The following GPRC5B variants were observed in gnomAD, a reference collection of about 807,000 sequenced individuals.
GPRC5B encodes the protein G protein-coupled receptor class C group 5 member B, also known as G protein-coupled receptor family C group 5 member B.
In GPRC5B, 16 loss-of-function variants were observed where a neutral mutation model predicts 30.1. The ratio of observed to expected loss-of-function variants is 0.53; its 90% CI spans 0.36 to 0.81. The LOEUF is 0.81. Among genes scored for constraint, GPRC5B ranks in the 30% least tolerant of loss-of-function variants. The pLI is 0.01. For missense variants in GPRC5B, 428 were observed against 544.7 expected, an observed-to-expected ratio of 0.79 and a Z score of 2.13; for synonymous variants, 241 against 239.5, an observed-to-expected ratio of 1.01 and a Z score of -0.06.
At chr16:19,870,753 G>C (rs933054364) in intron 2 of GPRC5B, among the ~76,000 whole-genome samples, 1 of 152,196 alleles carries the variant, frequency 6.6e-6, no homozygotes, top group African/African-American at 2.4e-5. Flanking sequence ...GTGCAATAGA[G>C]AGCGGTAGAG....
intron 2 of GPRC5B, among the ~76,000 whole-genome samples, chr16:19,863,491 CTTTTTTTTTTTT>C: frequency 1.2e-5 from 1 of 82,276 alleles, no homozygotes; most frequent in African/African-American, 5.0e-5. Context: ...AATCTGTGTT[CTTTTTTTTTTTT>C]TTTTTTTTTT....
At position 19,858,340 on chromosome 16, in the gene GPRC5B, A is replaced by G. The variant is rs1280787180; in HGVS notation, c.*2160T>C. The G allele has an allele frequency of 2.2e-6, 1 of 450,460 alleles. No homozygotes were observed. Among genetic ancestry groups the G allele is most frequent in the African/African-American group, 2.0e-5 (1 of 49,750 alleles). The allele number at this position is 450,460 out of a possible 1,614,324, so 27.9% of individuals were successfully genotyped here. ...ATTTAAAAGGGGGGAAAAAGGTCTC[A>G]TTAAATGAGGCTTCCCATGGCTCAA... On this transcript the variant is annotated 3_prime_UTR_variant, in exon 4 of 4. Transcript: ENST00000300571.
At chr16:19,870,423 ACT>A (rs1298005767) in intron 2 of GPRC5B, among the ~76,000 whole-genome samples, 1 of 152,236 alleles carries the variant, frequency 6.6e-6, no homozygotes, top group Non-Finnish European at 1.5e-5. Context: ...CTTTGTACTC[ACT>A]GTGTTCCTTC....
chr16:19,861,721 C>T (rs1463453538), intron 3 of GPRC5B, 116 bp downstream of exon 3: 8 of 784,150 alleles, frequency 1.0e-5, no homozygotes, highest in African/African-American at 3.5e-5. Context: ...TGAGCTGTGG[C>T]GGTCCTTGCA....
At position 19,872,771 on chromosome 16, in the gene GPRC5B, C is replaced by T. The variant is rs780792806; in HGVS notation, c.75G>A (p.Ser25=). 29 of 1,613,474 alleles carry T rather than the reference C, an allele frequency of 1.8e-5. No homozygotes were observed. Among genetic ancestry groups the T allele is most frequent in the Middle Eastern group, 3.3e-4 (2 of 6,084 alleles). ...LTFLLLFVIT[S]VASENASTSR... is the part of the protein sequence containing the mutation. ...ATGTGCTGGCGTTTTCAGAGGCCACCGAGGTGATCACGAAGAGCAGGAGGA... is the reference window on the plus strand; with the variant it reads ...ATGTGCTGGCGTTTTCAGAGGCCACTGAGGTGATCACGAAGAGCAGGAGGA... The change falls in exon 2 of 4, where the codon TCG becomes TCA. Residue 25 remains serine, a synonymous_variant. Coordinates refer to ENST00000300571, the MANE Select transcript of GPRC5B (RefSeq NM_016235.3). This position sits in a 1 kb window ranked among gnomAD's most constrained non-coding sequence, Gnocchi z 5.0.
intron 1 of GPRC5B, among the ~76,000 whole-genome samples, chr16:19,879,213 G>C (rs368640331): frequency 6.6e-6 from 1 of 151,962 alleles, no homozygotes; most frequent in Non-Finnish European, 1.5e-5. Flanking sequence ...AGTCAGCCTC[G>C]AGGCAGGATT....
chr16:19,885,243 C>T (rs866960103), upstream of GPRC5B: 61 of 1,288,514 alleles, frequency 4.7e-5, no homozygotes, highest in African/African-American at 8.5e-4. The surrounding 1 kb of genome is among the most constrained non-coding windows in gnomAD (Gnocchi z 5.3). Flanking sequence ...GCGCGGAAGC[C>T]TTCCTGCCCC....
intron 1 of GPRC5B, among the ~76,000 whole-genome samples, 170 bp downstream of exon 1, chr16:19,884,557 C>G (rs2056836163): frequency 6.9e-6 from 1 of 144,508 alleles, no homozygotes; most frequent in Admixed American, 6.9e-5. Flanking sequence ...ACCGTGGTTC[C>G]CCTCGCCCAG....
chr16:19,885,588 C>T, upstream of GPRC5B: 1 of 1,057,224 alleles, frequency 9.5e-7, no homozygotes, highest in African/African-American at 1.7e-5. The surrounding 1 kb of genome is among the most constrained non-coding windows in gnomAD (Gnocchi z 5.3). Context: ...ACCCCTACCG[C>T]ACACATCACC....
intron 2 of GPRC5B, among the ~76,000 whole-genome samples, chr16:19,867,569 C>T (rs781337570): frequency 2.6e-5 from 4 of 152,212 alleles, no homozygotes; most frequent in Admixed American, 6.5e-5. Context: ...TGTTCAACAA[C>T]ACACTGGTTC....
chr16:19,885,213 A>T (rs1218765407), upstream of GPRC5B: 1 of 1,288,744 alleles, frequency 7.8e-7, no homozygotes, highest in Non-Finnish European at 1.0e-6. The surrounding 1 kb of genome is among the most constrained non-coding windows in gnomAD (Gnocchi z 5.3). Context: ...CGAGGGAGGT[A>T]TCGCGACCCA....
rs189105303 is a variant in GPRC5B at position 19,870,459 on chromosome 16, G to A, written c.1030+1357C>T. Among the ~76,000 whole-genome samples, 202 of 152,330 alleles carry A rather than the reference G, an allele frequency of 1.3e-3. 2 individuals carry two copies. In the Middle Eastern group the frequency reaches 0.014, roughly 10 times the overall value. On this transcript the variant is annotated intron_variant, in intron 2 of 3. Transcript: ENST00000300571. ...TCTCCTAACAGCTCTATGAGGTACA[G>A]TCTCTTACTATTTCTAGTTCACAGA...
chr16:19,864,987 C>T (rs1384115392), intron 2 of GPRC5B, among the ~76,000 whole-genome samples: 1 of 150,584 alleles, frequency 6.6e-6, no homozygotes, highest in Non-Finnish European at 1.5e-5. Flanking sequence ...TCATTGCAGC[C>T]TCGACCTCCG....
upstream of GPRC5B, chr16:19,885,139 C>G (rs2056840895): frequency 2.6e-6 from 3 of 1,146,142 alleles, no homozygotes; most frequent in Admixed American, 2.3e-5. The surrounding 1 kb of genome is among the most constrained non-coding windows in gnomAD (Gnocchi z 5.3). Flanking sequence ...GCAGTCCAGA[C>G]GAGCCGGGCA....
intron 2 of GPRC5B, among the ~76,000 whole-genome samples, chr16:19,870,331 C>T (rs1196711590): frequency 6.6e-6 from 1 of 152,224 alleles, no homozygotes; most frequent in Non-Finnish European, 1.5e-5. Context: ...AAACCACCTG[C>T]ACTGGAGCCC....
chr16:19,858,592 C>T lies in GPRC5B; in HGVS notation c.*1908G>A. 3 of 610,256 alleles carry T rather than the reference C, an allele frequency of 4.9e-6. No homozygotes were observed. The highest frequency in any genetic ancestry group is 8.9e-6 in the Non-Finnish European group (3 of 336,806). The allele number at this position is 610,256 out of a possible 1,614,324, so 37.8% of individuals were successfully genotyped here. Reference sequence around the variant, plus strand: ...CTGTCGTTTTTTCACCGGACAGGACCGAGGTGTTTGAAGATTTCTTTCTTT... The same window carrying T: ...CTGTCGTTTTTTCACCGGACAGGACTGAGGTGTTTGAAGATTTCTTTCTTT... On this transcript the variant is annotated 3_prime_UTR_variant, in exon 4 of 4. Transcript: ENST00000300571.
In GPRC5B at chr16:19,860,178, G is replaced by A. The variant is rs2056609681; in HGVS notation, c.*322C>T. The A allele has an allele frequency of 3.6e-6, 1 of 278,034 alleles. No homozygotes were observed. Among genetic ancestry groups the A allele is most frequent in the Non-Finnish European group, 6.9e-6 (1 of 145,826 alleles). The allele number at this position is 278,034 out of a possible 1,614,324, so 17.2% of individuals were successfully genotyped here. On this transcript the variant is annotated 3_prime_UTR_variant, in exon 4 of 4. Transcript: ENST00000300571. ...TGAATTTGGTTCTGTTCTACCCCCA[G>A]AGGATGAAACAGTCTTCCCAGCCAC... is the stretch of plus-strand genomic sequence containing the variant.
At chr16:19,868,813 G>A (rs966047161) in intron 2 of GPRC5B, among the ~76,000 whole-genome samples, 1 of 152,214 alleles carries the variant, frequency 6.6e-6, no homozygotes, top group East Asian at 1.9e-4. Context: ...GCGGGACAGA[G>A]GGATGTGGAT....
At chr16:19,885,230 C>A (rs904267666), upstream of GPRC5B, 1 of 1,288,476 alleles carries the variant, frequency 7.8e-7, no homozygotes, top group African/African-American at 1.5e-5. This position sits in a 1 kb window ranked among gnomAD's most constrained non-coding sequence, Gnocchi z 5.3. Context: ...CCCAGGGGTC[C>A]CAGCGCGGAA....
Sources: allele counts gnomAD v4.1 joint callset (sites outside exome capture counted in the v4.1 genomes callset), GRCh38; gene constraint gnomAD v4.1.1; non-coding constraint Gnocchi (gnomAD v3.1); transcripts MANE v1.5; gene names NCBI Gene and HGNC (gene_info 2026-07-23, HGNC 2026-07-21).